Variants in TCF20 observed in about 807,000 individuals in gnomAD.
TCF20 encodes the protein transcription factor 20, also known as SPRE-binding protein.
TCF20 carries 3 observed loss-of-function variants against 148.6 expected under a neutral mutation model. The ratio of observed to expected loss-of-function variants is 0.02; its 90% CI spans 0.01 to 0.05. TCF20 has a LOEUF of 0.05. TCF20 is among the 10% of genes least tolerant of loss of function. TCF20 has a pLI of 1.00. For synonymous variants in TCF20, 1,049 were observed against 909.5 expected (o/e 1.15, Z -2.76); for missense variants, 2,350 against 2,429.3 (o/e 0.97, Z 0.69).
upstream of TCF20, among the ~76,000 whole-genome samples, chr22:42,284,120 GGGAT>G (rs1926976096): frequency 6.6e-6 from 1 of 152,102 alleles, no homozygotes; most frequent in South Asian, 2.1e-4. Flanking sequence ...GCGGGGAGGA[GGGAT>G]GGATGGATGG....
intron 1 of TCF20, among the ~76,000 whole-genome samples, chr22:42,321,518 AAC>A (rs1927732328): frequency 6.6e-6 from 1 of 150,498 alleles, no homozygotes; most frequent in Non-Finnish European, 1.5e-5. Flanking sequence ...TCCTCTCTTC[AAC>A]AAAATGGACT....
At chr22:42,257,106 G>A (rs573926834) in intron 1 of TCF20, among the ~76,000 whole-genome samples, 5 of 152,280 alleles carry the variant, frequency 3.3e-5, no homozygotes, top group South Asian at 2.1e-4. Flanking sequence ...GCTGCAGTGC[G>A]CCATGACTGT....
intron 1 of TCF20, among the ~76,000 whole-genome samples, chr22:42,245,382 C>T (rs1213332818): frequency 6.6e-6 from 1 of 152,136 alleles, no homozygotes; most frequent in East Asian, 1.9e-4. Context: ...TCCTTTACTC[C>T]TGTCTCATTC....
chr22:42,327,730 G>T (rs1051991305), intron 1 of TCF20, among the ~76,000 whole-genome samples: 1 of 151,364 alleles, frequency 6.6e-6, no homozygotes, highest in Non-Finnish European at 1.5e-5. Flanking sequence ...TAGGCCTGGG[G>T]CTCTAAGGAC....
chr22:42,183,680 A>G (rs1936894331), intron 2 of TCF20, among the ~76,000 whole-genome samples: 1 of 152,190 alleles, frequency 6.6e-6, no homozygotes, highest in South Asian at 2.1e-4. Flanking sequence ...GAACTGTATT[A>G]ACAAGTTTGT....
intron 1 of TCF20, among the ~76,000 whole-genome samples, chr22:42,342,205 T>G (rs1928179920): frequency 6.6e-6 from 1 of 152,006 alleles, no homozygotes; most frequent in Non-Finnish European, 1.5e-5. Flanking sequence ...AAATGATAGC[T>G]TTGGCAATGG....
chr22:42,318,864 G>A lies in TCF20; in HGVS notation c.-37+24615C>T, dbSNP rs1601705064. ...ACCTCCATGCCTGGGTGTGTGGGGTGCTCCTGATTGACCCTGTGGCCAGCT... is the reference window on the plus strand; with the variant it reads ...ACCTCCATGCCTGGGTGTGTGGGGTACTCCTGATTGACCCTGTGGCCAGCT... On this transcript the variant is annotated intron_variant, in intron 1 of 1. Transcript: ENST00000515426. Among the ~76,000 whole-genome samples the A allele has an allele frequency of 3.9e-5, 6 of 152,308 alleles. 2 individuals carry two copies. The highest frequency in any genetic ancestry group is 3.9e-4 in the Admixed American group (6 of 15,300).
At chr22:42,216,107 T>TTTG (rs60253254) in intron 1 of TCF20, among the ~76,000 whole-genome samples, 2 of 139,218 alleles carry the variant, frequency 1.4e-5, no homozygotes, top group East Asian at 2.1e-4. Flanking sequence ...TTTTTTTTTT[T>TTTG]GAGACAAGGT....
intron 1 of TCF20, among the ~76,000 whole-genome samples, chr22:42,268,790 C>G (rs1247532811): frequency 1.3e-5 from 2 of 152,174 alleles, no homozygotes; most frequent in Admixed American, 1.3e-4. Context: ...ACTTTCTGAT[C>G]TGAAGCACAG....
intron 3 of TCF20, among the ~76,000 whole-genome samples, chr22:42,179,119 C>T (rs1475591952): frequency 6.6e-6 from 1 of 150,962 alleles, no homozygotes; most frequent in Non-Finnish European, 1.5e-5. Context: ...TGCACTGCCA[C>T]TGAGAACGTA....
chr22:42,341,242 G>A (rs1421968653), intron 1 of TCF20, among the ~76,000 whole-genome samples: 1 of 152,288 alleles, frequency 6.6e-6, no homozygotes, highest in South Asian at 2.1e-4. Flanking sequence ...CGTCACCCCG[G>A]GGGACACGCT....
intron 1 of TCF20, among the ~76,000 whole-genome samples, chr22:42,219,162 T>C (rs545598974): frequency 2.0e-5 from 3 of 151,320 alleles, no homozygotes; most frequent in Non-Finnish European, 2.9e-5. Context: ...GGTGTGAGGA[T>C]CGCTTGAGGT....
chr22:42,261,457 C>T (rs1481911331), intron 1 of TCF20, among the ~76,000 whole-genome samples: 1 of 152,174 alleles, frequency 6.6e-6, no homozygotes, highest in Non-Finnish European at 1.5e-5. Flanking sequence ...CATTCAAGTT[C>T]CAGCTGCCTG....
intron 1 of TCF20, among the ~76,000 whole-genome samples, chr22:42,225,508 G>A (rs2147260421): frequency 6.6e-6 from 1 of 150,972 alleles, no homozygotes; most frequent in Non-Finnish European, 1.5e-5. Context: ...CAGCTACTCG[G>A]GAGGCTGAGG....
chr22:42,214,735 G>A lies in TCF20; in HGVS notation c.571C>T (p.His191Tyr). 1.2e-6 allele frequency: 2 copies of A among 1,614,124 alleles called. No homozygotes were observed. The highest frequency in any genetic ancestry group is 1.1e-5 in the South Asian group (1 of 91,086). Residue 191 changes from histidine (H) to tyrosine (Y), a missense_variant, in exon 2 of 6, where the codon CAT becomes TAT. By Grantham distance (83) the His-to-Tyr change is moderately conservative. Transcript: ENST00000677622. Reference protein sequence around the residue: ...QQLRQQLYQSHQPLPQATGQP... With the variant: ...QQLRQQLYQSYQPLPQATGQP... ...CCAGTGGCCTGTGGCAGGGGCTGAT[G>A]GGACTGGTAAAGCTGTTGTCTCAAC...
chr22:42,181,533 A>G (rs1936772795), intron 2 of TCF20, among the ~76,000 whole-genome samples: 2 of 151,854 alleles, frequency 1.3e-5, no homozygotes, highest in Non-Finnish European at 2.9e-5. Flanking sequence ...GGTATGGTCA[A>G]GCATTTCTGG....
intron 2 of TCF20, among the ~76,000 whole-genome samples, chr22:42,199,963 G>GTT (rs1007109323): frequency 1.7e-5 from 1 of 59,118 alleles, no homozygotes; most frequent in Admixed American, 1.4e-4. Context: ...GATTCTCTGG[G>GTT]TTTTTTTTTA....
rs756473156 is a variant in TCF20, at chr22:42,169,798, C to A, written c.5799+49G>T. ...TGGTCTTCAGGTCTTTCAGGAGGAG[C>A]CACCCTCGATCCCATCCCTGCTGGT... On this transcript the variant is annotated intron_variant, in intron 4 of 5. Transcript: ENST00000677622. 3.1e-6 allele frequency: 5 copies of A among 1,602,678 alleles called. No individual in the cohort carries two copies. The Admixed American group carries it at 6.7e-5, about 22-fold the overall frequency.
At chr22:42,239,556 G>A (rs1049050469) in intron 1 of TCF20, among the ~76,000 whole-genome samples, 1 of 152,060 alleles carries the variant, frequency 6.6e-6, no homozygotes. Context: ...GGGAGGCTGA[G>A]GCAGGCAGAT....
Sources: allele counts gnomAD v4.1 joint callset (sites outside exome capture counted in the v4.1 genomes callset), GRCh38; gene constraint gnomAD v4.1.1; transcripts MANE v1.5; gene names NCBI Gene and HGNC (gene_info 2026-07-23, HGNC 2026-07-21).